The following MAP3K7CL variants were observed in gnomAD, a reference collection of about 807,000 sequenced individuals.
MAP3K7CL encodes MAP3K7 C-terminal-like protein.
Under a neutral mutation model 18.6 loss-of-function variants are expected in MAP3K7CL, and 16 were observed. The observed-to-expected ratio is 0.86, with a 90% CI of 0.58 to 1.31. The LOEUF (loss-of-function observed/expected upper bound fraction) is 1.31. Ranked by LOEUF, MAP3K7CL falls within the 50% of genes most tolerant of loss-of-function variation. The pLI is 0.00. For missense variants in MAP3K7CL, 163 were observed against 174.4 expected (o/e 0.93, Z 0.37); for synonymous variants, 65 against 66.8 (o/e 0.97, Z 0.13).
At chr21:29,140,323 G>A (rs1006746087) in intron 2 of MAP3K7CL, among the ~76,000 whole-genome samples, 2 of 152,196 alleles carry the variant, frequency 1.3e-5, no homozygotes, top group Admixed American at 6.5e-5. Flanking sequence ...ATTACTTAAA[G>A]TTGTGAAGAA....
chr21:29,093,607 G>A (rs2086068437), intron 4 of MAP3K7CL, among the ~76,000 whole-genome samples: 3 of 151,952 alleles, frequency 2.0e-5, no homozygotes, highest in South Asian at 2.1e-4. Flanking sequence ...TCAGCCTCCC[G>A]AGTAGCTGGG....
At chr21:29,087,549 T>A (rs1310593156) in intron 1 of MAP3K7CL, among the ~76,000 whole-genome samples, 1 of 151,982 alleles carries the variant, frequency 6.6e-6, no homozygotes, top group Non-Finnish European at 1.5e-5. Context: ...AAATGGTTTA[T>A]GCAGGATTTA....
At chr21:29,097,917 T>C (rs541701762) in intron 4 of MAP3K7CL, among the ~76,000 whole-genome samples, 1 of 152,202 alleles carries the variant, frequency 6.6e-6, no homozygotes, top group African/African-American at 2.4e-5. Flanking sequence ...CTGTACATTC[T>C]ATAAACTGTT....
chr21:29,166,245 G>A (rs979274404), intron 4 of MAP3K7CL, among the ~76,000 whole-genome samples: 3 of 152,014 alleles, frequency 2.0e-5, no homozygotes, highest in Non-Finnish European at 2.9e-5. Context: ...ACATAGGAGC[G>A]TGATTGTGTG....
chr21:29,113,980 T>C (rs1036976432), intron 4 of MAP3K7CL, among the ~76,000 whole-genome samples: 1 of 152,200 alleles, frequency 6.6e-6, no homozygotes, highest in Admixed American at 6.5e-5. Flanking sequence ...AGGTATCATT[T>C]CTGCCCAAAT....
At chr21:29,111,445 C>G (rs2146560947) in intron 4 of MAP3K7CL, among the ~76,000 whole-genome samples, 1 of 152,202 alleles carries the variant, frequency 6.6e-6, no homozygotes, top group Non-Finnish European at 1.5e-5. Context: ...GAGCTCTATT[C>G]CCTACCCCTC....
At chr21:29,083,117 A>G (rs1190851437), upstream of MAP3K7CL, among the ~76,000 whole-genome samples, 1 of 152,170 alleles carries the variant, frequency 6.6e-6, no homozygotes, top group Non-Finnish European at 1.5e-5. Context: ...GGTCCTTTCT[A>G]AAGGTACTTG....
chr21:29,097,819 C>A (rs2086149663), intron 4 of MAP3K7CL, among the ~76,000 whole-genome samples: 1 of 151,900 alleles, frequency 6.6e-6, no homozygotes, highest in Non-Finnish European at 1.5e-5. Context: ...GATTTCTACC[C>A]CCCGCACCCA....
At chr21:29,166,981 G>A (rs916886378) in intron 4 of MAP3K7CL, among the ~76,000 whole-genome samples, 9 of 152,216 alleles carry the variant, frequency 5.9e-5, no homozygotes, top group Non-Finnish European at 1.3e-4. Context: ...GGAACTGCCA[G>A]ATTGTTTTCA....
upstream of MAP3K7CL, among the ~76,000 whole-genome samples, chr21:29,084,823 G>A (rs555351185): frequency 2.0e-5 from 3 of 152,282 alleles, no homozygotes; most frequent in African/African-American, 7.2e-5. Flanking sequence ...ATCACACAGT[G>A]ATTTTTGATA....
At chr21:29,150,202 C>T (rs1027699159) in intron 3 of MAP3K7CL, among the ~76,000 whole-genome samples, 1 of 152,180 alleles carries the variant, frequency 6.6e-6, no homozygotes, top group African/African-American at 2.4e-5. Flanking sequence ...TCCTGGACAG[C>T]CCTCAACAGA....
chr21:29,149,314 C>CAG, intron 3 of MAP3K7CL, 64 bp downstream of exon 3: 2 of 1,431,956 alleles, frequency 1.4e-6, no homozygotes, highest in South Asian at 2.3e-5. Flanking sequence ...GCGAGCTGGG[C>CAG]AGAGAGTGGC....
chr21:29,161,037 G>A (rs149176179), intron 4 of MAP3K7CL, among the ~76,000 whole-genome samples: 2,846 of 152,332 alleles, frequency 0.019, 92 homozygotes, highest in African/African-American at 0.064. Context: ...GGGGCCGGGC[G>A]CAGTGGCCCA....
At chr21:29,157,209 G>A (rs2087428600) in intron 3 of MAP3K7CL, among the ~76,000 whole-genome samples, 1 of 152,050 alleles carries the variant, frequency 6.6e-6, no homozygotes, top group South Asian at 2.1e-4. Context: ...TCACATTGTT[G>A]TGCAACCGAT....
chr21:29,111,998 T>C (rs1017133156), intron 4 of MAP3K7CL, among the ~76,000 whole-genome samples: 1 of 152,104 alleles, frequency 6.6e-6, no homozygotes, highest in East Asian at 1.9e-4. Flanking sequence ...CTTCTTTCAT[T>C]GCAAAATCTT....
At chr21:29,110,756 T>C (rs2086404942) in intron 4 of MAP3K7CL, among the ~76,000 whole-genome samples, 1 of 152,186 alleles carries the variant, frequency 6.6e-6, no homozygotes, top group Admixed American at 6.5e-5. Context: ...TCCCACCCCT[T>C]CTATTGAATT....
rs1339139417 is a variant in MAP3K7CL, at chr21:29,091,638, G to T, written c.134-30G>T. The T allele has an allele frequency of 4.3e-6, 3 of 701,092 alleles. No individual in the cohort carries two copies. In the African/African-American group the frequency reaches 5.3e-5, roughly 12 times the overall value. 43.4% of individuals were successfully genotyped at this position (701,092 alleles called of 1,614,324 possible). ...CCACAGGCGTGCACCACCACATCCA[G>T]CTAAGTTTTTCTTTCTTTTTTTTTC... On this transcript the variant is annotated intron_variant, in intron 2 of 6. Coordinates refer to the MAP3K7CL transcript ENST00000286791.
upstream of MAP3K7CL, among the ~76,000 whole-genome samples, chr21:29,128,439 G>A (rs966500107): frequency 6.6e-5 from 10 of 151,686 alleles, no homozygotes; most frequent in Non-Finnish European, 1.2e-4. Flanking sequence ...AGTAGCTGGG[G>A]CTACAGGCGC....
At chr21:29,089,674 A>G (rs1164646297) in intron 1 of MAP3K7CL, among the ~76,000 whole-genome samples, 1 of 152,224 alleles carries the variant, frequency 6.6e-6, no homozygotes, top group African/African-American at 2.4e-5. Flanking sequence ...TCACAAGGAA[A>G]CTGTACTGAA....
Sources: gnomAD v4.1 joint callset for allele counts (sites outside exome capture counted in the v4.1 genomes callset) on GRCh38, gnomAD v4.1.1 for gene constraint, MANE v1.5 for transcripts, NCBI Gene and HGNC (gene_info 2026-07-23, HGNC 2026-07-21) for gene names.